ZNF487: variants seen among roughly 807,000 people sequenced by gnomAD.
The protein encoded by ZNF487 is KRAB domain only 1.
Under a neutral mutation model 3.0 loss-of-function variants are expected in ZNF487, and 4 were observed. The ratio of observed to expected loss-of-function variants is 1.35; its 90% CI spans 0.66 to 3.08. The LOEUF is 3.08. ZNF487 is among the 30% of genes most tolerant of loss of function. The pLI is 0.01. For missense variants in ZNF487, 146 were observed against 98.7 expected (o/e 1.48, Z -2.03); for synonymous variants, 55 against 34.6 (o/e 1.59, Z -2.06).
intron 1 of ZNF487, among the ~76,000 whole-genome samples, chr10:43,448,312 A>C (rs1011990388): frequency 1.3e-5 from 2 of 151,770 alleles, no homozygotes; most frequent in African/African-American, 4.8e-5. Context: ...TTTTGTCCTT[A>C]CGTTTTGTCA....
intron 1 of ZNF487, among the ~76,000 whole-genome samples, chr10:43,463,215 C>A (rs1468108300): frequency 3.4e-5 from 5 of 149,220 alleles, no homozygotes; most frequent in African/African-American, 1.2e-4. Context: ...GCCTGGGCAA[C>A]AAGAGCAAAA....
At chr10:43,450,941 AT>A (rs1278555368) in intron 1 of ZNF487, among the ~76,000 whole-genome samples, 6 of 151,744 alleles carry the variant, frequency 4.0e-5, no homozygotes, top group Non-Finnish European at 7.4e-5. Context: ...CATTATTATT[AT>A]TTTTTTATTA....
At chr10:43,471,745 C>T (rs1248070570) in intron 1 of ZNF487, among the ~76,000 whole-genome samples, 1 of 152,180 alleles carries the variant, frequency 6.6e-6, no homozygotes, top group Non-Finnish European at 1.5e-5. Context: ...GTCAAACTGT[C>T]TCCCCCTCTA....
the ZNF487 span, among the ~76,000 whole-genome samples, chr10:43,492,718 C>T: frequency 6.6e-6 from 1 of 151,998 alleles, no homozygotes; most frequent in Non-Finnish European, 1.5e-5. Context: ...CTCCCAAAGT[C>T]ATGATTTTAT....
chr10:43,487,675 C>A (rs562892121), downstream of ZNF487, among the ~76,000 whole-genome samples: 8 of 150,572 alleles, frequency 5.3e-5, no homozygotes, highest in African/African-American at 2.0e-4. Flanking sequence ...TGGTGTCCAT[C>A]TTCCGACTTC....
chr10:43,470,021 T>C (rs1387224525), intron 1 of ZNF487, among the ~76,000 whole-genome samples: 4 of 152,128 alleles, frequency 2.6e-5, no homozygotes, highest in Non-Finnish European at 2.9e-5. Context: ...TAATAGACTA[T>C]AGTATAGTGA....
In ZNF487 at chr10:43,482,659, C is replaced by T. The variant is rs573939249; in HGVS notation, c.*737C>T. On this transcript the variant is annotated 3_prime_UTR_variant, in exon 4 of 4. Coordinates refer to ENST00000437590, the MANE Select transcript of ZNF487 (RefSeq NM_001355444.3). ...CAGAGAATACATACTGGCGAGAAAC[C>T]CTATGAGTGTAAGGAATGTGGGAAA... 68 of 490,074 alleles carry T rather than the reference C, an allele frequency of 1.4e-4. 1 individual carries two copies. Among genetic ancestry groups the T allele is most frequent in the Admixed American group, 3.6e-4 (16 of 44,516 alleles). The allele number at this position is 490,074 out of a possible 1,614,324, so 30.4% of individuals were successfully genotyped here.
chr10:43,443,714 G>C (rs1428884014), intron 1 of ZNF487, among the ~76,000 whole-genome samples: 3 of 151,166 alleles, frequency 2.0e-5, no homozygotes, highest in Non-Finnish European at 4.4e-5. Flanking sequence ...TAGAGATGGA[G>C]GTCTCACTAT....
downstream of ZNF487, among the ~76,000 whole-genome samples, chr10:43,487,446 A>G (rs1485302260): frequency 1.6e-5 from 2 of 123,338 alleles, no homozygotes; most frequent in Non-Finnish European, 3.4e-5. Flanking sequence ...GCCCAGAAAC[A>G]TTTTTTTCTT....
the ZNF487 span, among the ~76,000 whole-genome samples, chr10:43,522,551 T>A: frequency 5.3e-5 from 8 of 152,090 alleles, no homozygotes; most frequent in Non-Finnish European, 1.2e-4. Flanking sequence ...CTGGCAAAGA[T>A]GGCGAAACCC....
intron 1 of ZNF487, among the ~76,000 whole-genome samples, chr10:43,469,933 G>A (rs1250543635): frequency 5.3e-5 from 8 of 151,244 alleles, no homozygotes; most frequent in Admixed American, 2.0e-4. Context: ...CTGGGCAACA[G>A]AGCGAGACTC....
At chr10:43,515,910 G>T in the ZNF487 span, among the ~76,000 whole-genome samples, 1 of 152,122 alleles carries the variant, frequency 6.6e-6, no homozygotes, top group African/African-American at 2.4e-5. Flanking sequence ...GAGTAGCTGG[G>T]ACTACAGGGC....
chr10:43,499,875 T>C, the ZNF487 span, among the ~76,000 whole-genome samples: 1 of 152,062 alleles, frequency 6.6e-6, no homozygotes, highest in Non-Finnish European at 1.5e-5. Context: ...GCACCAGTCA[T>C]CTATTTCATT....
At position 43,446,656 on chromosome 10, in the gene ZNF487, C is replaced by T. The variant is rs889786805; in HGVS notation, c.-94+9394C>T. 1.1e-4 allele frequency among the ~76,000 whole-genome samples: 16 copies of T among 151,824 alleles called. No homozygotes were observed. In the East Asian group the frequency reaches 2.9e-3, roughly 28 times the overall value. The stretch of plus-strand genomic sequence containing the variant: ...CGATGGGCGCCCGGGCAGAGACGCT[C>T]CTCTCTTCCTAGACGGGATGACGGC... On this transcript the variant is annotated intron_variant, in intron 1 of 3. Transcript: ENST00000437590.
chr10:43,500,210 A>G, the ZNF487 span, among the ~76,000 whole-genome samples: 2 of 151,492 alleles, frequency 1.3e-5, no homozygotes, highest in Non-Finnish European at 2.9e-5. Context: ...AGGTCTCACT[A>G]TGTTGCCCAG....
At chr10:43,504,758 G>C in the ZNF487 span, among the ~76,000 whole-genome samples, 1 of 151,020 alleles carries the variant, frequency 6.6e-6, no homozygotes, top group Admixed American at 6.6e-5. Flanking sequence ...CCAGGCTGGA[G>C]TGCAGTGGCA....
chr10:43,497,983 G>GATAGATAT, the ZNF487 span, among the ~76,000 whole-genome samples: 3,521 of 130,286 alleles, frequency 0.027, 178 homozygotes, highest in African/African-American at 0.1. Context: ...AAAGAAAAAA[G>GATAGATAT]ATATATATAT....
At chr10:43,509,243 G>C in the ZNF487 span, among the ~76,000 whole-genome samples, 1 of 151,536 alleles carries the variant, frequency 6.6e-6, no homozygotes, top group African/African-American at 2.4e-5. Flanking sequence ...TTATCCCACT[G>C]CACCTGCATC....
the ZNF487 span, among the ~76,000 whole-genome samples, chr10:43,504,542 A>G: frequency 6.6e-6 from 1 of 151,546 alleles, no homozygotes; most frequent in Non-Finnish European, 1.5e-5. Flanking sequence ...TGATCCACCC[A>G]TCTCAGCCTC....
Sources: allele counts gnomAD v4.1 joint callset (sites outside exome capture counted in the v4.1 genomes callset), GRCh38; gene constraint gnomAD v4.1.1; transcripts MANE v1.5; gene names NCBI Gene and HGNC (gene_info 2026-07-23, HGNC 2026-07-21).